The following METTL27 variants were observed in gnomAD, a reference collection of about 807,000 sequenced individuals.
The protein encoded by METTL27 is methyltransferase-like protein 27.
Under a neutral mutation model 24.5 loss-of-function variants are expected in METTL27, and 29 were observed. That is an observed-to-expected ratio of 1.18 (90% CI 0.88 to 1.61). METTL27 has a LOEUF of 1.61. Ranked by LOEUF, METTL27 falls within the 40% of genes most tolerant of loss-of-function variation. The probability of loss-of-function intolerance (pLI) is 0.00; values close to 1 mark genes in which losing one functional copy is unlikely to be tolerated. For missense variants in METTL27, 341 were observed against 324.3 expected (o/e 1.05, Z -0.40); for synonymous variants, 138 against 146.8 (o/e 0.94, Z 0.43).
At chr7:73,838,023 A>T (rs1335637516) in intron 5 of METTL27, among the ~76,000 whole-genome samples, 1 of 146,144 alleles carries the variant, frequency 6.8e-6, no homozygotes, top group African/African-American at 2.5e-5. Flanking sequence ...CTAATTAAAC[A>T]TTTTTTTTTT....
intron 5 of METTL27, among the ~76,000 whole-genome samples, chr7:73,835,785 C>CA (rs1788158079): frequency 1.1e-5 from 1 of 87,630 alleles, no homozygotes; most frequent in African/African-American, 3.6e-5. Flanking sequence ...TCTGCCCGGC[C>CA]GCCATCACAT....
intron 5 of METTL27, among the ~76,000 whole-genome samples, chr7:73,837,948 C>G (rs1788253632): frequency 6.6e-6 from 1 of 152,100 alleles, no homozygotes; most frequent in South Asian, 2.1e-4. Context: ...CTCACGAGCT[C>G]AAGCAATCCT....
chr7:73,840,437 T>C lies in METTL27; in HGVS notation c.365A>G (p.Gln122Arg), dbSNP rs1584340428. Reference sequence around the variant, plus strand: ...ACCTTCCGGGCTGGGCAGAGGCTCCTGGCCCAGGGTGCAGAGGCTGAGGCG... The same window carrying C: ...ACCTTCCGGGCTGGGCAGAGGCTCCCGGCCCAGGGTGCAGAGGCTGAGGCG... ...YQRLSLCTLGQEPLPSPEGTF... is the reference protein window; with the variant it reads ...YQRLSLCTLGREPLPSPEGTF... The change falls in exon 4 of 6, where the codon CAG (glutamine) becomes CGG (arginine). Residue 122 changes from glutamine to arginine, a missense_variant. Gln to Arg is a conservative substitution (Grantham distance 43). Coordinates refer to ENST00000297873, the MANE Select transcript of METTL27 (RefSeq NM_152559.3). The C allele has an allele frequency of 6.3e-7, 1 of 1,590,998 alleles. No homozygotes were observed.
At chr7:73,835,992 G>C (rs1374457518) in intron 5 of METTL27, among the ~76,000 whole-genome samples, 7 of 92,672 alleles carry the variant, frequency 7.6e-5, no homozygotes, top group Non-Finnish European at 1.4e-4. Flanking sequence ...GCCCCGTCTG[G>C]GAAGTGAGGA....
Position 73,834,758 on chromosome 7 carries a change from G to C in METTL27, c.723C>G (p.Pro241=), listed in dbSNP as rs781823744. Residue 241 remains proline (P), a synonymous_variant, in exon 6 of 6, where the codon CCC becomes CCG. Coordinates refer to ENST00000297873, the MANE Select transcript of METTL27 (RefSeq NM_152559.3). The part of the protein sequence containing the change: ...LSTCTESGRR[P]RLRK ...GGGCTGGATCTCACTTCCTCAACCT[G>C]GGTCGCCTTCCACTTTCGGTACAGG... The C allele has an allele frequency of 1.9e-6, 3 of 1,613,986 alleles. No individual in the cohort carries two copies. In the South Asian group the frequency reaches 3.3e-5, roughly 18 times the overall value.
At chr7:73,840,691 C>A (rs782275626) in intron 3 of METTL27, 142 bp from the exon 4 acceptor site, 1 of 1,237,864 alleles carries the variant, frequency 8.1e-7, no homozygotes, top group East Asian at 2.6e-5. Context: ...CAAGGTCTCT[C>A]TCTGTCGCCC....
chr7:73,841,899 T>G, intron 2 of METTL27, 119 bp downstream of exon 2: 1 of 1,523,368 alleles, frequency 6.6e-7, no homozygotes, highest in Non-Finnish European at 8.9e-7. Flanking sequence ...GACTGTAGGG[T>G]TCTTAGCCAG....
rs782284947 is a variant in METTL27, at chr7:73,840,137, G to GC, written c.389-18_389-17insG. 9 of 1,470,618 alleles carry GC rather than the reference G, an allele frequency of 6.1e-6. 1 individual carries two copies. The South Asian group carries it at 7.3e-5, about 12-fold the overall frequency. The allele number at this position is 1,470,618 out of a possible 1,614,324, so 91.1% of individuals were successfully genotyped here. A position where few individuals can be genotyped will look rare whatever the true frequency, so the allele number is the denominator to read the frequency against. On this transcript the variant is annotated splice_polypyrimidine_tract_variant and intron_variant, in intron 4 of 5. Transcript: ENST00000297873. ...CGAAGGTCCCTGTGTGTGTGTGGGG[G>GC]GGGGTGGGGACATGGTGTGATGCTT...
At chr7:73,838,895 T>G (rs942174396) in intron 5 of METTL27, among the ~76,000 whole-genome samples, 2 of 152,166 alleles carry the variant, frequency 1.3e-5, no homozygotes, top group African/African-American at 2.4e-5. Context: ...AGCCAGCGCC[T>G]CCTCGTTCTC....
intron 1 of METTL27, 130 bp from the exon 2 acceptor site, chr7:73,842,274 A>C: frequency 7.2e-7 from 1 of 1,394,070 alleles, no homozygotes. Context: ...CCCGGCCCCT[A>C]TCCCAGATGG....
chr7:73,834,909 C>A lies in METTL27; in HGVS notation c.572G>T (p.Gly191Val), dbSNP rs1554634760. 1 of 1,614,084 alleles carries A rather than the reference C, an allele frequency of 6.2e-7. No homozygotes were observed. Among genetic ancestry groups the A allele is most frequent in the Admixed American group, 1.7e-5 (1 of 60,018 alleles). Residue 191 changes from glycine (G) to valine (V), a missense_variant, in exon 6 of 6, where the codon GGG (glycine) becomes GTG (valine). Gly to Val is a moderately radical substitution (Grantham distance 109). Coordinates refer to ENST00000297873, the MANE Select transcript of METTL27 (RefSeq NM_152559.3). ...CCAGGCCACCAGGCCTTCCCACATC[C>A]CAGCCTGCTCCAGCCTGTCCAGGGT... is the stretch of plus-strand genomic sequence containing the variant. The part of the protein sequence containing the change: ...EATLDRLEQA[G>V]MWEGLVAWPV...
intron 5 of METTL27, among the ~76,000 whole-genome samples, chr7:73,836,143 C>A (rs1788181670): frequency 9.1e-6 from 1 of 110,122 alleles, no homozygotes; most frequent in Non-Finnish European, 2.1e-5. Context: ...GGGGGTCAGC[C>A]CCCTGCCCGG....
At chr7:73,836,873 G>T (rs1237076368) in intron 5 of METTL27, among the ~76,000 whole-genome samples, 1 of 105,812 alleles carries the variant, frequency 9.5e-6, no homozygotes, top group Non-Finnish European at 2.1e-5. Context: ...TTGAGAAATC[G>T]GATGGTTGCC....
chr7:73,839,830 C>T (rs948942590), intron 5 of METTL27: 23 of 506,496 alleles, frequency 4.5e-5, no homozygotes, highest in Admixed American at 7.3e-5. Context: ...GGATAAGAGC[C>T]GAGCTGGCCA....
chr7:73,838,918 T>A (rs771608603), intron 5 of METTL27, among the ~76,000 whole-genome samples: 1 of 152,108 alleles, frequency 6.6e-6, no homozygotes, highest in Admixed American at 6.6e-5. Context: ...GCTCAGCCCC[T>A]CTCCTTTCTG....
chr7:73,836,342 C>A, intron 5 of METTL27, among the ~76,000 whole-genome samples: 2 of 99,948 alleles, frequency 2.0e-5, no homozygotes, highest in East Asian at 3.2e-4. Flanking sequence ...TCTGCCCGGC[C>A]GCCCCTACTG....
rs782820897 is a variant in METTL27, at chr7:73,840,136, G to A, written c.389-16C>T. 12 of 1,471,382 alleles carry A rather than the reference G, an allele frequency of 8.2e-6. No homozygotes were observed. Among genetic ancestry groups the A allele is most frequent in the Non-Finnish European group, 1.1e-5 (12 of 1,069,382 alleles). The allele number at this position is 1,471,382 out of a possible 1,614,324, so 91.1% of individuals were successfully genotyped here. On this transcript the variant is annotated splice_polypyrimidine_tract_variant and intron_variant, in intron 4 of 5. Transcript: ENST00000297873. ...TCGAAGGTCCCTGTGTGTGTGTGGG[G>A]GGGGGTGGGGACATGGTGTGATGCT...
chr7:73,837,322 A>AT (rs1229106692), intron 5 of METTL27, among the ~76,000 whole-genome samples: 7 of 146,100 alleles, frequency 4.8e-5, no homozygotes, highest in East Asian at 1.9e-4. Flanking sequence ...AAAAATAAAA[A>AT]AAAATAAAAA....
chr7:73,841,854 A>G (rs1283822637), intron 2 of METTL27, among the ~76,000 whole-genome samples, 164 bp downstream of exon 2: 3 of 151,978 alleles, frequency 2.0e-5, no homozygotes, highest in Non-Finnish European at 4.4e-5. Flanking sequence ...GGGGCTGCCA[A>G]TCCAGAGCTG....
Sources: gnomAD v4.1 joint callset for allele counts (sites outside exome capture counted in the v4.1 genomes callset) on GRCh38, gnomAD v4.1.1 for gene constraint, MANE v1.5 for transcripts, NCBI Gene and HGNC (gene_info 2026-07-23, HGNC 2026-07-21) for gene names.